Variants in ENO3 observed in about 807,000 individuals in gnomAD.
The protein encoded by ENO3 is enolase 3, also known as beta-enolase.
ENO3 carries 46 observed loss-of-function variants against 47.7 expected under a neutral mutation model. The observed-to-expected ratio is 0.96, with a 90% CI of 0.76 to 1.23. The LOEUF (loss-of-function observed/expected upper bound fraction) is 1.23, where lower values mean the gene tolerates loss of function less well. ENO3 is among the 50% of genes most tolerant of loss of function. The pLI is 0.00. For synonymous variants in ENO3, 223 were observed against 225.9 expected (o/e 0.99, Z 0.11); for missense variants, 575 against 566.2 (o/e 1.02, Z -0.16).
In ENO3 at chr17:4,952,874, C is replaced by T; in HGVS notation, c.165C>T (p.Gly55=). The T allele has an allele frequency of 1.2e-6, 2 of 1,612,458 alleles. No homozygotes were observed. Among genetic ancestry groups the T allele is most frequent in the Non-Finnish European group, 1.7e-6 (2 of 1,179,144 alleles). Residue 55 remains glycine (G), a synonymous_variant, in exon 3 of 12, where the codon GGC becomes GGT. Transcript: ENST00000519602. The part of the protein sequence containing the change: ...EALELRDGDK[G]RYLGKGVLKA... ...TGGAACTAAGAGACGGAGACAAAGG[C>T]CGCTACCTGGGGAAAGGTGAGGAGA...
At chr17:4,956,267 C>T (rs1597705466) in intron 9 of ENO3, 124 bp downstream of exon 9, 1 of 1,188,792 alleles carries the variant, frequency 8.4e-7, no homozygotes, top group East Asian at 2.6e-5. Flanking sequence ...CTTACCCACA[C>T]CTTGATCTCA....
At chr17:4,951,724 C>T in intron 1 of ENO3, 104 bp from the exon 2 acceptor site, 4 of 1,296,378 alleles carry the variant, frequency 3.1e-6, no homozygotes, top group Non-Finnish European at 4.5e-6. Flanking sequence ...TTTTTAGCTC[C>T]AGCACCTGCC....
At position 4,952,901 on chromosome 17, in the gene ENO3, A is replaced by C. The variant is rs762880151; in HGVS notation, c.181+11A>C. On this transcript the variant is annotated intron_variant, in intron 3 of 11. Transcript: ENST00000519602. ...GCTACCTGGGGAAAGGTGAGGAGACACCAGCGCAGAAGGAGCCTGTGTGGG... is the reference window on the plus strand; with the variant it reads ...GCTACCTGGGGAAAGGTGAGGAGACCCCAGCGCAGAAGGAGCCTGTGTGGG... The C allele has an allele frequency of 6.2e-7, 1 of 1,611,738 alleles. No homozygotes were observed. The highest frequency in any genetic ancestry group is 8.5e-7 in the Non-Finnish European group (1 of 1,178,736).
At chr17:4,949,264 C>A (rs1292358870), upstream of ENO3, 1 of 152,520 alleles carries the variant, frequency 6.6e-6, no homozygotes, top group African/African-American at 2.4e-5. Flanking sequence ...GGGGCCACTT[C>A]TGTCCCCAGC....
At chr17:4,951,258 A>T (rs919603678) in intron 1 of ENO3, 76 bp downstream of exon 1, 8 of 1,006,976 alleles carry the variant, frequency 7.9e-6, no homozygotes, top group Non-Finnish European at 8.3e-6. Flanking sequence ...GAAGTGGGGG[A>T]CATTTCTGCT....
At chr17:4,952,427 T>C (rs1350138731) in intron 2 of ENO3, 1 of 343,638 alleles carries the variant, frequency 2.9e-6, no homozygotes, top group Non-Finnish European at 5.6e-6. Flanking sequence ...CACTGCAAGC[T>C]CCGCCTCCCG....
chr17:4,955,569 G>A lies in ENO3; in HGVS notation c.830G>A (p.Gly277Glu). The change falls in exon 8 of 12, where the codon GGA becomes GAA. Residue 277 changes from glycine to glutamate, a missense_variant. Transcript: ENST00000519602. Reference sequence around the variant, plus strand: ...CGGCACATCACTGGGGAGAAGCTCGGAGAGCTGTATAAGAGCTTTATCAAG... The same window carrying A: ...CGGCACATCACTGGGGAGAAGCTCGAAGAGCTGTATAAGAGCTTTATCAAG... ...PARHITGEKLGELYKSFIKNY... is the reference protein window; with the variant it reads ...PARHITGEKLEELYKSFIKNY... 3 of 1,614,212 alleles carry A rather than the reference G, an allele frequency of 1.9e-6. No homozygotes were observed. Among genetic ancestry groups the A allele is most frequent in the Non-Finnish European group, 8.5e-7 (1 of 1,180,026 alleles).
In ENO3 at chr17:4,955,555, TG is replaced by T; in HGVS notation, c.820del (p.Glu274ArgfsTer38). On this transcript the variant is annotated frameshift_variant, in exon 8 of 12. Coordinates refer to ENST00000519602, the MANE Select transcript of ENO3 (RefSeq NM_053013.4). LOFTEE classifies it high-confidence loss of function. ...CTGATGATCCCGCACGGCACATCAC[TG>T]GGGAGAAGCTCGGAGAGCTGTATAA... ...SPDDPARHIT[G>X]EKLGELYKSF... 1 of 1,614,204 alleles carries T rather than the reference TG, an allele frequency of 6.2e-7. No individual in the cohort carries two copies. Among genetic ancestry groups the T allele is most frequent in the Non-Finnish European group, 8.5e-7 (1 of 1,180,038 alleles).
Position 4,956,688 on chromosome 17 carries a change from G to GGGCT in ENO3, c.1176+7_1176+8insGGCT, listed in dbSNP as rs761089932. ...GGGGCTCTGCACAGGACAGGTACTT[G>GGGCT]TAGCTTCTCTCTACTGAGTGTCTCA... On this transcript the variant is annotated splice_region_variant and intron_variant, in intron 10 of 11. Transcript: ENST00000519602. 1.2e-6 allele frequency: 2 copies of GGGCT among 1,614,202 alleles called. No homozygotes were observed. The highest frequency in any genetic ancestry group is 1.7e-6 in the Non-Finnish European group (2 of 1,180,026).
intron 8 of ENO3, 143 bp downstream of exon 8, chr17:4,955,747 C>T (rs1971704236): frequency 7.4e-7 from 1 of 1,360,496 alleles, no homozygotes; most frequent in Admixed American, 1.7e-5. Flanking sequence ...CTCTTCTGCC[C>T]TGTCACCCCT....
upstream of ENO3, chr17:4,950,698 C>T (rs991281516): frequency 6.1e-6 from 6 of 981,666 alleles, no homozygotes; most frequent in East Asian, 3.4e-4. Context: ...GAGGCCCGCC[C>T]AGCGATCTGA....
At position 4,951,844 on chromosome 17, in the gene ENO3, A is replaced by T; in HGVS notation, c.15A>T (p.Lys5Asn). Reference sequence around the variant, plus strand: ...GTCCTGCAGCCATGGCCATGCAGAAAATCTTTGCCCGGGAAATCTTGGACT... The same window carrying T: ...GTCCTGCAGCCATGGCCATGCAGAATATCTTTGCCCGGGAAATCTTGGACT... The part of the protein sequence containing the change: MAMQ[K>N]IFAREILDSR... Residue 5 changes from lysine to asparagine, a missense_variant, in exon 2 of 12, where the codon AAA (lysine) becomes AAT (asparagine). Transcript: ENST00000519602. 2 of 1,614,072 alleles carry T rather than the reference A, an allele frequency of 1.2e-6. No individual in the cohort carries two copies. The highest frequency in any genetic ancestry group is 1.7e-6 in the Non-Finnish European group (2 of 1,179,982).
rs768012807 is a variant in ENO3, at chr17:4,956,657, TGTG to T, written c.1157_1159del (p.Val386del). On this transcript the variant is annotated inframe_deletion, in exon 10 of 12. Transcript: ENST00000519602. ...CTGAGGACACATTCATTGCTGACCT[TGTG>T]GTGGGGCTCTGCACAGGACAGGTAC... 165 of 1,614,052 alleles carry T rather than the reference TGTG, an allele frequency of 1.0e-4. No individual in the cohort carries two copies. Among genetic ancestry groups the T allele is most frequent in the Non-Finnish European group, 1.3e-4 (154 of 1,180,022 alleles).
upstream of ENO3, chr17:4,950,432 C>T: frequency 2.5e-6 from 1 of 395,026 alleles, no homozygotes; most frequent in Non-Finnish European, 3.4e-6. Flanking sequence ...CGCCCACAGT[C>T]GATGGGGAAA....
rs562206880 is a variant in ENO3, at chr17:4,956,443, C to G, written c.1068-130C>G. 6 of 938,816 alleles carry G rather than the reference C, an allele frequency of 6.4e-6. No individual in the cohort carries two copies. The African/African-American group carries it at 9.7e-5, about 15-fold the overall frequency. The allele number at this position is 938,816 out of a possible 1,614,324, so 58.2% of individuals were successfully genotyped here. A position where few individuals can be genotyped will look rare whatever the true frequency, so the allele number is the denominator to read the frequency against. On this transcript the variant is annotated intron_variant, in intron 9 of 11. Coordinates refer to ENST00000519602, the MANE Select transcript of ENO3 (RefSeq NM_053013.4). Reference sequence around the variant, plus strand: ...ATAAGTCTTTTCCTCTCCTACTTCCCAAAGAACTTAGTCACTGCCCTCCCT... The same window carrying G: ...ATAAGTCTTTTCCTCTCCTACTTCCGAAAGAACTTAGTCACTGCCCTCCCT...
At position 4,956,130 on chromosome 17, in the gene ENO3, G is replaced by T; in HGVS notation, c.1054G>T (p.Glu352Ter). 2 of 1,613,840 alleles carry T rather than the reference G, an allele frequency of 1.2e-6. No individual in the cohort carries two copies. The highest frequency in any genetic ancestry group is 1.1e-5 in the South Asian group (1 of 91,050). ...GGTCAACCAGATCGGCTCGGTGACCGAATCGATCCAGGCGTGAGTGCCTCC... is the reference window on the plus strand; with the variant it reads ...GGTCAACCAGATCGGCTCGGTGACCTAATCGATCCAGGCGTGAGTGCCTCC... Reference protein sequence around the residue: ...LKVNQIGSVTESIQACKLAQS... With the variant: ...LKVNQIGSVT The change falls in exon 9 of 12, where the codon GAA (glutamate) becomes TAA (stop). Residue 352 changes from glutamate to a stop codon, truncating the protein, a stop_gained. Coordinates refer to ENST00000519602, the MANE Select transcript of ENO3 (RefSeq NM_053013.4). LOFTEE classifies it high-confidence loss of function.
At chr17:4,951,996 T>G (rs1971555239) in intron 2 of ENO3, 82 bp downstream of exon 2, 1 of 1,445,542 alleles carries the variant, frequency 6.9e-7, no homozygotes. Context: ...TGCCATATCC[T>G]CTCCTTTCTC....
Position 4,956,843 on chromosome 17 carries a change from G to A in ENO3, c.1189G>A (p.Ala397Thr), listed in dbSNP as rs375449577. The change falls in exon 11 of 12, where the codon GCC becomes ACC. Residue 397 changes from alanine (A) to threonine (T), a missense_variant. Ala to Thr is a moderately conservative substitution (Grantham distance 58, BLOSUM62 0). Coordinates refer to ENST00000519602, the MANE Select transcript of ENO3 (RefSeq NM_053013.4). ...GLCTGQIKTG[A>T]PCRSERLAKY... is the part of the protein sequence containing the mutation. Reference sequence around the variant, plus strand: ...CTTCCCTCATCAGATCAAGACTGGCGCCCCCTGCCGCTCGGAGCGTCTGGC... The same window carrying A: ...CTTCCCTCATCAGATCAAGACTGGCACCCCCTGCCGCTCGGAGCGTCTGGC... The A allele has an allele frequency of 2.2e-5, 36 of 1,613,958 alleles. No individual in the cohort carries two copies. Among genetic ancestry groups the A allele is most frequent in the Middle Eastern group, 1.6e-4 (1 of 6,084 alleles).
intron 6 of ENO3, chr17:4,954,046 T>G (rs1971642583): frequency 1.3e-6 from 1 of 775,470 alleles, no homozygotes; most frequent in East Asian, 2.7e-5. Context: ...ATGTGCTTCC[T>G]TCCCTGCCAT....
Sources: allele counts gnomAD v4.1 joint callset, GRCh38; gene constraint gnomAD v4.1.1; transcripts MANE v1.5; gene names NCBI Gene and HGNC (gene_info 2026-07-23, HGNC 2026-07-21).